The following LIPA variants were observed in gnomAD, a reference collection of about 807,000 sequenced individuals.
LIPA encodes lipase A, lysosomal acid type.
Under a neutral mutation model 40.6 loss-of-function variants are expected in LIPA, and 26 were observed. That is an observed-to-expected ratio of 0.64 (90% confidence interval 0.47 to 0.89). The LOEUF is 0.89. Ranked by LOEUF, LIPA falls within the 40% of genes least tolerant of loss-of-function variation. The pLI is 0.00. For missense variants in LIPA, 455 were observed against 479.6 expected (o/e 0.95, Z 0.48); for synonymous variants, 188 against 168.4 (o/e 1.12, Z -0.90).
upstream of LIPA, chr10:89,252,045 C>A (rs1843133146): frequency 6.6e-6 from 1 of 152,280 alleles, no homozygotes; most frequent in Non-Finnish European, 1.5e-5. Flanking sequence ...GCTCTACCAG[C>A]GCGTCGCCTA....
chr10:89,376,187 TAAA>T (rs66954730), intron 2 of LIPA, among the ~76,000 whole-genome samples: 5 of 102,546 alleles, frequency 4.9e-5, no homozygotes, highest in Admixed American at 1.2e-4. Flanking sequence ...GACTCTATCT[TAAA>T]AAAAAAAAAA....
At chr10:89,278,225 A>G (rs1448703587) in intron 1 of LIPA, 2 of 152,232 alleles carry the variant, frequency 1.3e-5, no homozygotes, top group Admixed American at 1.3e-4. Flanking sequence ...CTCAGTTCTA[A>G]TGATTTCATA....
At position 89,340,196 on chromosome 10, in the gene LIPA, A is replaced by G; in HGVS notation, c.-2+2415T>C. 2.0e-6 allele frequency: 3 copies of G among 1,488,992 alleles called. No individual in the cohort carries two copies. In the South Asian group the frequency reaches 4.2e-5, roughly 21 times the overall value. 92.2% of individuals were successfully genotyped at this position (1,488,992 alleles called of 1,614,324 possible). On this transcript the variant is annotated intron_variant, in intron 1 of 5. Transcript: ENST00000282673. ...TTGTGACGGGTAGGACGATAGGAAG[A>G]CAGGGGGCCCCAACCTGGGATTGCT...
At chr10:89,366,373 T>A (rs997279761) in intron 2 of LIPA, among the ~76,000 whole-genome samples, 7 of 152,214 alleles carry the variant, frequency 4.6e-5, no homozygotes, top group African/African-American at 1.7e-4. Context: ...TTTCTAAATA[T>A]ACAATCATGT....
At chr10:89,260,081 A>C (rs1843199867) in intron 1 of LIPA, among the ~76,000 whole-genome samples, 1 of 152,222 alleles carries the variant, frequency 6.6e-6, no homozygotes, top group African/African-American at 2.4e-5. Flanking sequence ...AAAAAATACT[A>C]ATAGTTACTA....
chr10:89,238,071 G>A (rs1479244932), intron 3 of LIPA, among the ~76,000 whole-genome samples: 3 of 152,228 alleles, frequency 2.0e-5, no homozygotes, highest in Non-Finnish European at 4.4e-5. Context: ...AATTCCTGCT[G>A]GAGAAAAGTG....
intron 3 of LIPA, among the ~76,000 whole-genome samples, chr10:89,235,897 A>C (rs1312557821): frequency 6.6e-6 from 1 of 152,236 alleles, no homozygotes; most frequent in Non-Finnish European, 1.5e-5. Context: ...ATGGTCCCTG[A>C]TAGTAACAAT....
chr10:89,217,729 C>T (rs1411041381), intron 8 of LIPA, among the ~76,000 whole-genome samples: 1 of 152,010 alleles, frequency 6.6e-6, no homozygotes, highest in Admixed American at 6.6e-5. Flanking sequence ...AGTAACAATC[C>T]CTTGTAGTAT....
At chr10:89,365,216 A>G (rs1017178392) in intron 2 of LIPA, among the ~76,000 whole-genome samples, 9 of 152,204 alleles carry the variant, frequency 5.9e-5, no homozygotes, top group African/African-American at 1.7e-4. Flanking sequence ...CTCTCCTTGA[A>G]TTCCTTACCT....
chr10:89,339,716 A>G, intron 1 of LIPA: 2 of 1,614,210 alleles, frequency 1.2e-6, no homozygotes, highest in South Asian at 1.1e-5. Context: ...GAAGTCCCTG[A>G]TGCTGAAAAG....
At chr10:89,305,051 T>C (rs1390530122) in intron 1 of LIPA, among the ~76,000 whole-genome samples, 1 of 151,492 alleles carries the variant, frequency 6.6e-6, no homozygotes, top group East Asian at 1.9e-4. Flanking sequence ...CTCAATGAGA[T>C]GTGTTAAGAA....
intron 2 of LIPA, among the ~76,000 whole-genome samples, chr10:89,348,399 G>A (rs372573986): frequency 1.1e-4 from 16 of 152,190 alleles, no homozygotes; most frequent in East Asian, 9.7e-4. Context: ...TCTTTCAACT[G>A]GAAAAAGTGT....
chr10:89,302,156 G>A (rs756195377), intron 1 of LIPA: 33 of 1,612,780 alleles, frequency 2.0e-5, no homozygotes, highest in Non-Finnish European at 2.5e-5. Context: ...GTATTCGGTA[G>A]TGCTGTTGAG....
At chr10:89,306,794 A>C (rs776936260) in intron 1 of LIPA, 2 of 1,614,138 alleles carry the variant, frequency 1.2e-6, no homozygotes, top group African/African-American at 2.7e-5. Context: ...CATACCAAAC[A>C]ATGCCTACCT....
At chr10:89,247,351 G>A (rs569650378) in intron 2 of LIPA, among the ~76,000 whole-genome samples, 187 bp downstream of exon 2, 49 of 135,154 alleles carry the variant, frequency 3.6e-4, no homozygotes, top group Non-Finnish European at 5.2e-4. Context: ...CAGCCTGGGC[G>A]GGCAGGTGAC....
intron 1 of LIPA, among the ~76,000 whole-genome samples, chr10:89,271,266 T>C (rs1589584691): frequency 6.6e-6 from 1 of 152,218 alleles, no homozygotes; most frequent in African/African-American, 2.4e-5. Context: ...CTGTCACATT[T>C]AGGGATGATT....
At chr10:89,408,511 C>T (rs1841443584) in intron 2 of LIPA, among the ~76,000 whole-genome samples, 1 of 151,996 alleles carries the variant, frequency 6.6e-6, no homozygotes, top group Non-Finnish European at 1.5e-5. Flanking sequence ...AGGAAATAAG[C>T]AAAGAAATCT....
chr10:89,339,753 C>T (rs754516918), intron 1 of LIPA: 3 of 1,614,156 alleles, frequency 1.9e-6, no homozygotes, highest in Non-Finnish European at 2.5e-6. Flanking sequence ...GCTACTGCAA[C>T]CTTCAGAAAT....
chr10:89,253,314 T>G (rs1843157683), upstream of LIPA, among the ~76,000 whole-genome samples: 1 of 152,210 alleles, frequency 6.6e-6, no homozygotes, highest in African/African-American at 2.4e-5. Flanking sequence ...TTCACAGGAC[T>G]GGGGAGGCCT....
Sources: gnomAD v4.1 joint callset for allele counts (sites outside exome capture counted in the v4.1 genomes callset) on GRCh38, gnomAD v4.1.1 for gene constraint, MANE v1.5 for transcripts, NCBI Gene and HGNC (gene_info 2026-07-23, HGNC 2026-07-21) for gene names.